OPCML: variants seen among roughly 807,000 people sequenced by gnomAD.
OPCML encodes opioid-binding protein/cell adhesion molecule.
OPCML carries 13 observed loss-of-function variants against 37.8 expected under a neutral mutation model. The ratio of observed to expected loss-of-function variants is 0.34; its 90% CI spans 0.22 to 0.55. OPCML has a LOEUF of 0.55. OPCML is among the 20% of genes least tolerant of loss of function. OPCML has a pLI of 0.91. For missense variants in OPCML, 341 were observed against 435.6 expected (o/e 0.78, Z 1.93); for synonymous variants, 176 against 168.8 (o/e 1.04, Z -0.33).
At chr11:132,948,231 C>T (rs572677613) in intron 1 of OPCML, among the ~76,000 whole-genome samples, 1 of 152,324 alleles carries the variant, frequency 6.6e-6, no homozygotes, top group Admixed American at 6.5e-5. Flanking sequence ...AGGAGGGGCA[C>T]ACCGTGCCAT....
rs1949947637 is a variant in OPCML, at chr11:133,149,582, C to G, written c.62-206572G>C. Among the ~76,000 whole-genome samples, 6 of 152,346 alleles carry G rather than the reference C, an allele frequency of 3.9e-5. No homozygotes were observed. In the South Asian group the frequency reaches 1.2e-3, roughly 32 times the overall value. ...ACCTCCAAATTCTCTCAACCCCCAC[C>G]CGCACGCTTGATGTTGCCAGAGACA... On this transcript the variant is annotated intron_variant, in intron 1 of 7. Transcript: ENST00000524381.
intron 2 of OPCML, among the ~76,000 whole-genome samples, chr11:132,749,725 G>A (rs1349766147): frequency 1.3e-5 from 2 of 152,142 alleles, no homozygotes; most frequent in South Asian, 2.1e-4. Context: ...CGGTATTTAG[G>A]TATTGGACGA....
chr11:133,165,120 C>A (rs761460094), intron 1 of OPCML, among the ~76,000 whole-genome samples: 1 of 152,244 alleles, frequency 6.6e-6, no homozygotes, highest in African/African-American at 2.4e-5. Context: ...ACAGCCAGAG[C>A]ACTTACAGTG....
chr11:133,207,308 AAAAC>A (rs1285688660), intron 1 of OPCML, among the ~76,000 whole-genome samples: 1 of 152,058 alleles, frequency 6.6e-6, no homozygotes, highest in Non-Finnish European at 1.5e-5. Flanking sequence ...TCAAAAACAA[AAAAC>A]AAACAAACAA....
chr11:132,739,168 T>C (rs1945358078), intron 2 of OPCML, among the ~76,000 whole-genome samples: 1 of 152,226 alleles, frequency 6.6e-6, no homozygotes, highest in African/African-American at 2.4e-5. Flanking sequence ...CCTCACAGTT[T>C]GTCACCCCAA....
chr11:132,822,175 T>G (rs1057488959), intron 2 of OPCML, among the ~76,000 whole-genome samples: 2 of 152,086 alleles, frequency 1.3e-5, no homozygotes, highest in Non-Finnish European at 2.9e-5. Flanking sequence ...ACACAGCTGG[T>G]GTGCAGGGCC....
At chr11:133,303,523 C>T (rs554875235) in intron 1 of OPCML, among the ~76,000 whole-genome samples, 14 of 152,154 alleles carry the variant, frequency 9.2e-5, no homozygotes, top group African/African-American at 1.9e-4. Context: ...AATAATAGAG[C>T]GAGAAAGTCT....
chr11:132,999,641 C>T (rs563353906), intron 1 of OPCML, among the ~76,000 whole-genome samples: 2 of 151,970 alleles, frequency 1.3e-5, no homozygotes, highest in African/African-American at 2.4e-5. Flanking sequence ...TGTAGCTCTG[C>T]GTGCTGCCAC....
rs1946798736 is a variant in OPCML, at chr11:132,992,362, A to G, written c.62-49352T>C. Among the ~76,000 whole-genome samples the G allele has an allele frequency of 4.6e-5, 7 of 152,276 alleles. No homozygotes were observed. In the South Asian group the frequency reaches 1.5e-3, roughly 32 times the overall value. On this transcript the variant is annotated intron_variant, in intron 1 of 7. Transcript: ENST00000524381. ...AAAAATAAATATATATACTTATTGC[A>G]GAGAAGAAAGAGAAACTCCTATTCA...
chr11:133,395,325 C>G (rs886288901), intron 1 of OPCML, among the ~76,000 whole-genome samples: 2 of 152,128 alleles, frequency 1.3e-5, no homozygotes, highest in African/African-American at 4.8e-5. Context: ...TGTGAGTTAT[C>G]TCTACTTTTT....
intron 2 of OPCML, among the ~76,000 whole-genome samples, chr11:132,690,181 C>A (rs142120043): frequency 1.3e-5 from 2 of 152,084 alleles, no homozygotes; most frequent in African/African-American, 2.4e-5. Flanking sequence ...TTCAAGTGGT[C>A]CTCCCACCTC....
chr11:132,506,083 A>C (rs2096256181), intron 4 of OPCML, among the ~76,000 whole-genome samples: 1 of 152,190 alleles, frequency 6.6e-6, no homozygotes, highest in South Asian at 2.1e-4. Context: ...AGCTTGCTCT[A>C]CTTCATCACT....
intron 2 of OPCML, among the ~76,000 whole-genome samples, chr11:132,719,061 A>T (rs1944588153): frequency 6.6e-6 from 1 of 152,274 alleles, no homozygotes; most frequent in African/African-American, 2.4e-5. Flanking sequence ...ATACGATGCC[A>T]CAGAAGGGAA....
chr11:133,428,781 A>C (rs993031917), intron 1 of OPCML, among the ~76,000 whole-genome samples: 1 of 152,200 alleles, frequency 6.6e-6, no homozygotes, highest in Non-Finnish European at 1.5e-5. Flanking sequence ...TCCCTGTATT[A>C]TGAAATTCCA....
At chr11:133,043,299 G>A (rs1440980960) in intron 1 of OPCML, among the ~76,000 whole-genome samples, 1 of 152,074 alleles carries the variant, frequency 6.6e-6, no homozygotes. Context: ...ATTTCCTCTG[G>A]AATTGATCGT....
chr11:133,391,029 A>T (rs7935477), intron 1 of OPCML, among the ~76,000 whole-genome samples: 52,339 of 152,128 alleles, frequency 0.34, 10,421 homozygotes, highest in African/African-American at 0.56. Flanking sequence ...TTTCCCCAGC[A>T]TGCGGATGCA....
intron 1 of OPCML, among the ~76,000 whole-genome samples, chr11:133,444,475 A>G (rs1176296737): frequency 6.6e-6 from 1 of 152,216 alleles, no homozygotes; most frequent in Non-Finnish European, 1.5e-5. Flanking sequence ...AGTTATATAT[A>G]TAGGTCTGAA....
chr11:133,126,657 A>G (rs2137127168), intron 1 of OPCML, among the ~76,000 whole-genome samples: 1 of 152,262 alleles, frequency 6.6e-6, no homozygotes, highest in Admixed American at 6.5e-5. Context: ...CTTCTGCCCA[A>G]TCCCATATAA....
intron 2 of OPCML, among the ~76,000 whole-genome samples, chr11:132,890,494 G>T (rs2136458557): frequency 6.6e-6 from 1 of 152,010 alleles, no homozygotes; most frequent in East Asian, 1.9e-4. Flanking sequence ...CTTTTACACA[G>T]AATAATTTAA....
Sources: allele counts gnomAD v4.1 joint callset (sites outside exome capture counted in the v4.1 genomes callset), GRCh38; gene constraint gnomAD v4.1.1; transcripts MANE v1.5; gene names NCBI Gene and HGNC (gene_info 2026-07-23, HGNC 2026-07-21).